Variants in NALCN observed in about 807,000 individuals in gnomAD.
The protein encoded by NALCN is sodium leak channel, non-selective, also known as sodium leak channel NALCN.
A neutral mutation model predicts 225.3 loss-of-function variants in NALCN; 111 were observed. The ratio of observed to expected loss-of-function variants is 0.49; its 90% CI spans 0.42 to 0.58. The LOEUF is 0.58. NALCN is among the 20% of genes least tolerant of loss of function. NALCN has a pLI of 0.00. For synonymous variants in NALCN, 764 were observed against 769.0 expected, an observed-to-expected ratio of 0.99 and a Z score of 0.11; for missense variants, 1,378 against 2,202.4, an observed-to-expected ratio of 0.63 and a Z score of 7.49.
At position 101,089,813 on chromosome 13, in the gene NALCN, G is replaced by A; in HGVS notation, c.3390+33C>T. On this transcript the variant is annotated intron_variant, in intron 29 of 43. Transcript: ENST00000251127. The surrounding 1 kb of genome is among the most constrained non-coding windows in gnomAD (Gnocchi z 4.7). ...ATCAAAACAAATGAAAGCTGCTCTT[G>A]AAGTGTTCAAAGGATTCGATGTGCT... 1 of 1,614,026 alleles carries A rather than the reference G, an allele frequency of 6.2e-7. No individual in the cohort carries two copies. The highest frequency in any genetic ancestry group is 1.1e-5 in the South Asian group (1 of 91,072).
At chr13:101,068,620 T>C (rs2032612258) in intron 38 of NALCN, 75 bp downstream of exon 38, 20 of 1,376,116 alleles carry the variant, frequency 1.5e-5, no homozygotes, top group Admixed American at 2.8e-5. Context: ...TCCAGGGTAA[T>C]TGCTTGAAAA....
chr13:101,358,183 G>C (rs1188106934), intron 6 of NALCN, among the ~76,000 whole-genome samples: 1 of 151,942 alleles, frequency 6.6e-6, no homozygotes, highest in East Asian at 1.9e-4. Flanking sequence ...CAGACAAATG[G>C]GATCTAATTA....
chr13:101,365,823 G>A (rs976448185), intron 6 of NALCN, among the ~76,000 whole-genome samples: 2 of 152,094 alleles, frequency 1.3e-5, no homozygotes, highest in Non-Finnish European at 1.5e-5. Flanking sequence ...CAGCCATCGC[G>A]AATATGTTCC....
At chr13:101,085,687 G>C (rs2033895995) in intron 30 of NALCN, among the ~76,000 whole-genome samples, 1 of 152,086 alleles carries the variant, frequency 6.6e-6, no homozygotes, top group Admixed American at 6.5e-5. Flanking sequence ...ATTATGCGCT[G>C]ATTAAAAATA....
At chr13:101,312,233 T>A (rs966291899) in intron 7 of NALCN, among the ~76,000 whole-genome samples, 23 of 152,342 alleles carry the variant, frequency 1.5e-4, no homozygotes, top group African/African-American at 5.3e-4. Context: ...TTATTGCGTC[T>A]ATTTGATTCT....
At chr13:101,298,327 AT>A (rs67572044) in intron 7 of NALCN, among the ~76,000 whole-genome samples, 54 of 148,166 alleles carry the variant, frequency 3.6e-4, no homozygotes, top group African/African-American at 1.1e-3. Flanking sequence ...ATCTCCAGCT[AT>A]TTTTTTTTTT....
intron 22 of NALCN, among the ~76,000 whole-genome samples, chr13:101,106,024 CAT>C (rs1201774654): frequency 2.6e-5 from 4 of 152,256 alleles, no homozygotes; most frequent in South Asian, 4.1e-4. Context: ...TTTATTTTCT[CAT>C]AGTTTTGGAG....
At chr13:101,312,082 G>C (rs1316928290) in intron 7 of NALCN, among the ~76,000 whole-genome samples, 1 of 152,154 alleles carries the variant, frequency 6.6e-6, no homozygotes, top group East Asian at 1.9e-4. Context: ...TCCTGGTTTA[G>C]TCTTGGGAGG....
intron 3 of NALCN, among the ~76,000 whole-genome samples, chr13:101,386,767 G>C (rs1326826952): frequency 1.3e-5 from 2 of 152,008 alleles, no homozygotes; most frequent in Non-Finnish European, 2.9e-5. Context: ...CTACTTTAAC[G>C]ATTAGGTATG....
chr13:101,264,205 T>C (rs936065300), intron 10 of NALCN, among the ~76,000 whole-genome samples: 1 of 152,142 alleles, frequency 6.6e-6, no homozygotes, highest in Non-Finnish European at 1.5e-5. Context: ...CATATGTGGA[T>C]TCACATATGT....
intron 13 of NALCN, among the ~76,000 whole-genome samples, chr13:101,202,688 T>G (rs1335353399): frequency 1.3e-5 from 2 of 152,134 alleles, no homozygotes; most frequent in East Asian, 1.9e-4. Context: ...TCACACAGCC[T>G]CCAAAGGGAC....
intron 6 of NALCN, among the ~76,000 whole-genome samples, chr13:101,351,724 T>C (rs1487386207): frequency 6.6e-6 from 1 of 152,162 alleles, no homozygotes; most frequent in Non-Finnish European, 1.5e-5. Context: ...AAGGACCTCA[T>C]AACGCTTTCA....
At chr13:101,361,913 TCA>T (rs2046262214) in intron 6 of NALCN, among the ~76,000 whole-genome samples, 1 of 152,116 alleles carries the variant, frequency 6.6e-6, no homozygotes, top group African/African-American at 2.4e-5. Flanking sequence ...CTGAAGACTC[TCA>T]CAAACATTTT....
chr13:101,316,852 A>C (rs1238759057), intron 7 of NALCN, among the ~76,000 whole-genome samples: 2 of 152,188 alleles, frequency 1.3e-5, no homozygotes, highest in Non-Finnish European at 2.9e-5. Flanking sequence ...CAGATTTATG[A>C]GAAAAAAAAT....
chr13:101,187,121 T>C (rs2139987642), intron 14 of NALCN, among the ~76,000 whole-genome samples: 1 of 152,312 alleles, frequency 6.6e-6, no homozygotes, highest in Admixed American at 6.5e-5. Flanking sequence ...CTGAAAATAT[T>C]AAGACATTTT....
intron 10 of NALCN, among the ~76,000 whole-genome samples, chr13:101,280,293 C>T (rs2043124337): frequency 6.6e-6 from 1 of 152,140 alleles, no homozygotes; most frequent in Non-Finnish European, 1.5e-5. Flanking sequence ...AGTTTCTAAG[C>T]ATATGAGTCA....
intron 6 of NALCN, among the ~76,000 whole-genome samples, chr13:101,357,880 C>G (rs1446386447): frequency 6.6e-6 from 1 of 152,136 alleles, no homozygotes; most frequent in African/African-American, 2.4e-5. Flanking sequence ...GAAATCACAT[C>G]ACGCATCTAC....
At chr13:101,201,272 C>G (rs769176675) in intron 13 of NALCN, among the ~76,000 whole-genome samples, 1 of 152,152 alleles carries the variant, frequency 6.6e-6, no homozygotes, top group Non-Finnish European at 1.5e-5. Flanking sequence ...GCAGCCATTA[C>G]CACTATCTAA....
chr13:101,065,459 A>G lies in NALCN; in HGVS notation c.4549T>C (p.Tyr1517His). The part of the protein sequence containing the change: ...KDKLLFKHMC[Y>H]EMERLHNGGD... ...CCATTGTGGAGCCTCTCCATTTCGT[A>G]GCACATGTGCTTAAACAGGAGCTTG... The change falls in exon 40 of 44, where the codon TAC becomes CAC. Residue 1517 changes from tyrosine (Y) to histidine (H), a missense_variant. Tyr to His is a moderately conservative substitution (Grantham distance 83). Coordinates refer to ENST00000251127, the MANE Select transcript of NALCN (RefSeq NM_052867.4). 6.2e-7 allele frequency: 1 copy of G among 1,614,156 alleles called. No individual in the cohort carries two copies. Among genetic ancestry groups the G allele is most frequent in the South Asian group, 1.1e-5 (1 of 91,078 alleles).
Sources: gnomAD v4.1 joint callset for allele counts (sites outside exome capture counted in the v4.1 genomes callset) on GRCh38, gnomAD v4.1.1 for gene constraint, Gnocchi (gnomAD v3.1) non-coding constraint, MANE v1.5 for transcripts, NCBI Gene and HGNC (gene_info 2026-07-23, HGNC 2026-07-21) for gene names.